The following RBFOX1 variants were observed in gnomAD, a reference collection of about 807,000 sequenced individuals.
RBFOX1 encodes RNA binding protein fox-1 homolog 1.
In RBFOX1, 8 loss-of-function variants were observed where a neutral mutation model predicts 57.7. The observed-to-expected ratio is 0.14, with a 90% confidence interval of 0.08 to 0.25. RBFOX1 has a LOEUF of 0.25. Ranked by LOEUF, RBFOX1 falls within the 10% of genes least tolerant of loss-of-function variation. The probability of loss-of-function intolerance (pLI) is 1.00; values close to 1 mark genes in which losing one functional copy is unlikely to be tolerated. For synonymous variants in RBFOX1, 326 were observed against 222.4 expected, an observed-to-expected ratio of 1.47 and a Z score of -4.15; for missense variants, 611 against 548.5, an observed-to-expected ratio of 1.11 and a Z score of -1.14.
At chr16:7,049,986 A>T (rs534334429) in intron 3 of RBFOX1, among the ~76,000 whole-genome samples, 21 of 152,334 alleles carry the variant, frequency 1.4e-4, no homozygotes, top group Admixed American at 6.5e-4. Flanking sequence ...TAGAAACCTC[A>T]TACCCATTAA....
chr16:6,639,759 G>C (rs1162312458), intron 2 of RBFOX1, among the ~76,000 whole-genome samples: 2 of 152,062 alleles, frequency 1.3e-5, no homozygotes, highest in Non-Finnish European at 2.9e-5. Flanking sequence ...GGCGCCTGTA[G>C]TCCCAGCTAC....
At chr16:7,189,498 G>T (rs1187996057) in intron 4 of RBFOX1, among the ~76,000 whole-genome samples, 1 of 143,684 alleles carries the variant, frequency 7.0e-6, no homozygotes, top group Non-Finnish European at 1.5e-5. Context: ...ACTGATTCAG[G>T]TATTCTCTCC....
chr16:5,296,835 C>A (rs776983747), intron 1 of RBFOX1, among the ~76,000 whole-genome samples: 1 of 152,006 alleles, frequency 6.6e-6, no homozygotes, highest in South Asian at 2.1e-4. Context: ...CGCACCACCA[C>A]GCCCAGCTAA....
chr16:6,522,429 G>A lies in RBFOX1; in HGVS notation c.-63-132174G>A, dbSNP rs192759806. On this transcript the variant is annotated intron_variant, in intron 2 of 15. Coordinates refer to ENST00000550418, the MANE Select transcript of RBFOX1 (RefSeq NM_018723.4). Reference sequence around the variant, plus strand: ...AAGGTACATAATGCCATCGTATTGGGAAGATTTTTTTTTGAAAGATATTTA... The same window carrying A: ...AAGGTACATAATGCCATCGTATTGGAAAGATTTTTTTTTGAAAGATATTTA... Among the ~76,000 whole-genome samples the A allele has an allele frequency of 4.2e-3, 634 of 152,156 alleles. 6 individuals carry two copies. Among genetic ancestry groups the A allele is most frequent in the South Asian group, 0.024 (116 of 4,812 alleles).
In RBFOX1 at chr16:5,253,813, G is replaced by C. The variant is rs549925510; in HGVS notation, c.219+13708G>C. ...GCTCTTTTCCTGCCACAGGGCCTTTGCACATCCTGCTCTTGCTGCCTGGAA... is the reference window on the plus strand; with the variant it reads ...GCTCTTTTCCTGCCACAGGGCCTTTCCACATCCTGCTCTTGCTGCCTGGAA... On this transcript the variant is annotated intron_variant, in intron 1 of 2. Transcript: ENST00000585867. 2.0e-4 allele frequency among the ~76,000 whole-genome samples: 31 copies of C among 152,334 alleles called. No homozygotes were observed. The East Asian group carries it at 5.8e-3, about 28-fold the overall frequency.
At chr16:6,478,588 G>A (rs2095322075) in intron 2 of RBFOX1, among the ~76,000 whole-genome samples, 1 of 151,314 alleles carries the variant, frequency 6.6e-6, no homozygotes, top group Admixed American at 6.6e-5. Flanking sequence ...TCGTCATGAA[G>A]CTTAATCATT....
intron 4 of RBFOX1, among the ~76,000 whole-genome samples, chr16:7,217,871 C>A (rs551998928): frequency 6.6e-6 from 1 of 151,708 alleles, no homozygotes; most frequent in South Asian, 2.1e-4. Flanking sequence ...TGTGTACACG[C>A]GTGTGTGCAT....
chr16:6,113,558 G>A (rs559895925), intron 1 of RBFOX1, among the ~76,000 whole-genome samples: 1 of 152,300 alleles, frequency 6.6e-6, no homozygotes, highest in Non-Finnish European at 1.5e-5. Flanking sequence ...CACAGCTCTT[G>A]AAGCAAAGGC....
chr16:7,110,931 C>G (rs1261354069), intron 4 of RBFOX1, among the ~76,000 whole-genome samples: 1 of 152,068 alleles, frequency 6.6e-6, no homozygotes, highest in African/African-American at 2.4e-5. Context: ...TAAAAGGACA[C>G]CAGGGCATCC....
chr16:5,481,529 G>A (rs1481722815), intron 2 of RBFOX1, among the ~76,000 whole-genome samples: 1 of 152,162 alleles, frequency 6.6e-6, no homozygotes, highest in African/African-American at 2.4e-5. Flanking sequence ...GAAATGAAAT[G>A]ATAAAAGTTG....
intron 1 of RBFOX1, among the ~76,000 whole-genome samples, chr16:5,291,828 G>T (rs2063542826): frequency 6.6e-6 from 1 of 152,156 alleles, no homozygotes; most frequent in Non-Finnish European, 1.5e-5. Flanking sequence ...ACGTGACTTG[G>T]TCACTGAATG....
chr16:5,698,946 G>T (rs73516399), intron 3 of RBFOX1, among the ~76,000 whole-genome samples: 7,617 of 148,290 alleles, frequency 0.051, 637 homozygotes, highest in African/African-American at 0.18. Flanking sequence ...GTGTAGCTTG[G>T]TTTTAGATAT....
intron 1 of RBFOX1, among the ~76,000 whole-genome samples, chr16:6,257,593 G>A (rs139391030): frequency 2.6e-5 from 4 of 152,020 alleles, no homozygotes; most frequent in East Asian, 3.9e-4. Context: ...CCCTGAAGTA[G>A]ACACCACTGT....
chr16:7,688,097 C>A (rs886814081), intron 14 of RBFOX1, among the ~76,000 whole-genome samples: 1 of 152,014 alleles, frequency 6.6e-6, no homozygotes, highest in East Asian at 1.9e-4. Flanking sequence ...TATCCCAATA[C>A]GTACAGGTAG....
chr16:6,854,332 A>C (rs1002623354), intron 3 of RBFOX1, among the ~76,000 whole-genome samples: 2 of 152,094 alleles, frequency 1.3e-5, no homozygotes, highest in African/African-American at 4.8e-5. Flanking sequence ...TTTGGGTACA[A>C]ATTATGGAAC....
intron 4 of RBFOX1, among the ~76,000 whole-genome samples, chr16:5,894,143 G>A (rs969265205): frequency 2.6e-5 from 4 of 152,068 alleles, no homozygotes; most frequent in Admixed American, 1.3e-4. Context: ...CACCAAATTC[G>A]AACACAATTC....
At chr16:7,058,572 TTG>T (rs111658690) in intron 4 of RBFOX1, among the ~76,000 whole-genome samples, 9 of 150,348 alleles carry the variant, frequency 6.0e-5, no homozygotes, top group Admixed American at 4.0e-4. Context: ...TTTCATAAGT[TTG>T]TGTGTGTGTG....
intron 4 of RBFOX1, among the ~76,000 whole-genome samples, chr16:7,343,580 T>C (rs187114071): frequency 1.6e-3 from 238 of 152,304 alleles, no homozygotes; most frequent in African/African-American, 4.9e-3. Flanking sequence ...GATTTTGTTA[T>C]AATAACAACA....
At chr16:5,864,786 G>A (rs755005209) in intron 3 of RBFOX1, among the ~76,000 whole-genome samples, 2 of 152,060 alleles carry the variant, frequency 1.3e-5, no homozygotes, top group Non-Finnish European at 2.9e-5. Context: ...ACCGTGTTTT[G>A]CCTGGGAAAA....
Sources: gnomAD v4.1 joint callset for allele counts (sites outside exome capture counted in the v4.1 genomes callset) on GRCh38, gnomAD v4.1.1 for gene constraint, MANE v1.5 for transcripts, NCBI Gene and HGNC (gene_info 2026-07-23, HGNC 2026-07-21) for gene names.